The following OR6B1 variants were observed in gnomAD, a reference collection of about 807,000 sequenced individuals.
OR6B1 encodes the protein olfactory receptor family 6 subfamily B member 1, also known as olfactory receptor 6B1.
In OR6B1, 15 loss-of-function variants were observed where a neutral mutation model predicts 15.4. That is an observed-to-expected ratio of 0.97 (90% CI 0.65 to 1.50). The LOEUF is 1.50. OR6B1 is among the 40% of genes most tolerant of loss of function. The pLI is 0.00. For synonymous variants in OR6B1, 139 were observed against 144.9 expected (o/e 0.96, Z 0.29); for missense variants, 384 against 385.0 (o/e 1.00, Z 0.02).
At chr7:144,003,258 T>A (rs1400944454) in intron 1 of OR6B1, among the ~76,000 whole-genome samples, 1 of 152,200 alleles carries the variant, frequency 6.6e-6, no homozygotes, top group African/African-American at 2.4e-5. Flanking sequence ...TTATATAAAA[T>A]TTCATTTACA....
chr7:144,006,982 G>T lies in OR6B1; in HGVS notation c.*2050G>T, dbSNP rs1275263991. 6.6e-6 allele frequency: 1 copy of T among 152,196 alleles called. No homozygotes were observed. Among genetic ancestry groups the T allele is most frequent in the Non-Finnish European group, 1.5e-5 (1 of 68,032 alleles). 9.4% of individuals were successfully genotyped at this position (152,196 alleles called of 1,614,324 possible). On this transcript the variant is annotated 3_prime_UTR_variant, in exon 2 of 2. Coordinates refer to ENST00000641698, the MANE Select transcript of OR6B1 (RefSeq NM_001005281.3). ...AGATTAGGGTTTGCATGGGAAAACT[G>T]TTTGGGAAGGCTATGCTCTCTGGAC... is the stretch of plus-strand genomic sequence containing the variant.
In OR6B1 at chr7:144,005,131, G is replaced by C; in HGVS notation, c.*199G>C. The C allele has an allele frequency of 1.9e-6, 1 of 535,532 alleles. No individual in the cohort carries two copies. The highest frequency in any genetic ancestry group is 2.7e-5 in the South Asian group (1 of 36,646). 33.2% of individuals were successfully genotyped at this position (535,532 alleles called of 1,614,324 possible). A position where few individuals can be genotyped will look rare whatever the true frequency, so the allele number is the denominator to read the frequency against. On this transcript the variant is annotated 3_prime_UTR_variant, in exon 2 of 2. Transcript: ENST00000641698. ...AGGCCATACACCTTCTAGAGAGCTA[G>C]AGAAAACAGTTCTCAATGGTTGTGA...
chr7:144,002,597 A>C (rs1470060058), intron 1 of OR6B1, among the ~76,000 whole-genome samples: 2 of 152,214 alleles, frequency 1.3e-5, no homozygotes, highest in Non-Finnish European at 2.9e-5. Flanking sequence ...ACCTATTCTG[A>C]GTAGCCTCCA....
intron 1 of OR6B1, among the ~76,000 whole-genome samples, chr7:144,003,281 G>A (rs2050596107): frequency 6.6e-6 from 1 of 152,098 alleles, no homozygotes; most frequent in Non-Finnish European, 1.5e-5. Context: ...AACTCATTTG[G>A]ATTTTGATCC....
At position 144,004,353 on chromosome 7, in the gene OR6B1, C is replaced by G. The variant is rs770081905; in HGVS notation, c.357C>G (p.Ala119=). ...AATGTGTGCTTCTGGCCGCCATGGC[C>G]TATGACCGGTATGTGGCCATCTGTC... The part of the protein sequence containing the change: ...CTECVLLAAM[A]YDRYVAICRP... The change falls in exon 2 of 2, where the codon GCC becomes GCG. Residue 119 remains alanine, a synonymous_variant. Transcript: ENST00000641698. 6.2e-7 allele frequency: 1 copy of G among 1,614,206 alleles called. No individual in the cohort carries two copies. The highest frequency in any genetic ancestry group is 2.2e-5 in the East Asian group (1 of 44,886).
chr7:144,003,854 G>T, intron 1 of OR6B1, 118 bp from the exon 2 acceptor site: 1 of 626,646 alleles, frequency 1.6e-6, no homozygotes. Flanking sequence ...CACGTACCCA[G>T]TTCATGGTCT....
rs944197872 is a variant in OR6B1 at position 144,004,397 on chromosome 7, C to T, written c.401C>T (p.Thr134Ile). The T allele has an allele frequency of 6.2e-7, 1 of 1,614,208 alleles. No individual in the cohort carries two copies. The highest frequency in any genetic ancestry group is 1.3e-5 in the African/African-American group (1 of 75,052). Reference protein sequence around the residue: ...VAICRPLHYPTIMSHGLCFRL... With the variant: ...VAICRPLHYPIIMSHGLCFRL... Reference sequence around the variant, plus strand: ...ATCTGTCGCCCACTCCACTACCCAACCATAATGAGCCATGGGCTCTGCTTC... The same window carrying T: ...ATCTGTCGCCCACTCCACTACCCAATCATAATGAGCCATGGGCTCTGCTTC... Residue 134 changes from threonine (T) to isoleucine (I), a missense_variant, in exon 2 of 2, where the codon ACC (threonine) becomes ATC (isoleucine). Transcript: ENST00000641698.
chr7:144,007,000 C>A lies in OR6B1; in HGVS notation c.*2068C>A. On this transcript the variant is annotated 3_prime_UTR_variant, in exon 2 of 2. Transcript: ENST00000641698. ...GAAAACTGTTTGGGAAGGCTATGCT[C>A]TCTGGACCTGTCTAAAACAATTCCA... The A allele has an allele frequency of 6.6e-6, 1 of 152,304 alleles. No individual in the cohort carries two copies. Among genetic ancestry groups the A allele is most frequent in the Non-Finnish European group, 1.5e-5 (1 of 68,030 alleles). 9.4% of individuals were successfully genotyped at this position (152,304 alleles called of 1,614,324 possible).
At position 144,007,484 on chromosome 7, in the gene OR6B1, A is replaced by G. The variant is rs1235252177; in HGVS notation, c.*2552A>G. The stretch of plus-strand genomic sequence containing the variant: ...GATTTGATTATCACCATCCAAACTC[A>G]TAAGGAACCCCACAAAATAAAATAT... On this transcript the variant is annotated 3_prime_UTR_variant, in exon 2 of 2. Transcript: ENST00000641698. 3.9e-5 allele frequency: 6 copies of G among 152,154 alleles called. No homozygotes were observed. Among genetic ancestry groups the G allele is most frequent in the African/African-American group, 1.2e-4 (5 of 41,432 alleles). The allele number at this position is 152,154 out of a possible 1,614,324, so 9.4% of individuals were successfully genotyped here.
At position 144,004,491 on chromosome 7, in the gene OR6B1, C is replaced by T. The variant is rs368102937; in HGVS notation, c.495C>T (p.Cys165=). 6.2e-7 allele frequency: 1 copy of T among 1,614,066 alleles called. No homozygotes were observed. Among genetic ancestry groups the T allele is most frequent in the African/African-American group, 1.3e-5 (1 of 74,930 alleles). Reference sequence around the variant, plus strand: ...TGGCGAAGATCTACTTCATCTCCTGCCTCAGCTTCTGTGGTCCCAATGTCA... The same window carrying T: ...TGGCGAAGATCTACTTCATCTCCTGTCTCAGCTTCTGTGGTCCCAATGTCA... ...ISLAKIYFIS[C]LSFCGPNVIN... Residue 165 remains cysteine (C), a synonymous_variant, in exon 2 of 2, where the codon TGC becomes TGT. Coordinates refer to ENST00000641698, the MANE Select transcript of OR6B1 (RefSeq NM_001005281.3).
At chr7:144,002,146 T>C (rs964987943) in intron 1 of OR6B1, among the ~76,000 whole-genome samples, 8 of 152,374 alleles carry the variant, frequency 5.3e-5, no homozygotes, top group Middle Eastern at 3.4e-3. Context: ...CATGCCTTTG[T>C]AGTCGGACCT....
At position 144,004,294 on chromosome 7, in the gene OR6B1, C is replaced by T. The variant is rs2050604865; in HGVS notation, c.298C>T (p.Gln100Ter). 6.2e-7 allele frequency: 1 copy of T among 1,614,222 alleles called. No homozygotes were observed. Among genetic ancestry groups the T allele is most frequent in the Middle Eastern group, 1.6e-4 (1 of 6,062 alleles). Residue 100 changes from glutamine to a stop codon, truncating the protein, a stop_gained, in exon 2 of 2, where the codon CAA becomes TAA. Transcript: ENST00000641698. LOFTEE classifies it high-confidence loss of function. ...NSISFTLCMI[Q>*]LYFFIALMCT... ...CATCTCTTTCACACTCTGTATGATA[C>T]AACTGTACTTCTTCATTGCTCTCAT...
At chr7:144,002,435 C>T (rs980449937) in intron 1 of OR6B1, among the ~76,000 whole-genome samples, 1 of 152,202 alleles carries the variant, frequency 6.6e-6, no homozygotes, top group African/African-American at 2.4e-5. Context: ...GGCATCACCT[C>T]TAGGTAATAA....
Position 144,005,023 on chromosome 7 carries a change from G to A in OR6B1, c.*91G>A. 2.3e-6 allele frequency: 2 copies of A among 860,294 alleles called. No individual in the cohort carries two copies. Among genetic ancestry groups the A allele is most frequent in the South Asian group, 3.5e-5 (2 of 56,616 alleles). 53.3% of individuals were successfully genotyped at this position (860,294 alleles called of 1,614,324 possible). On this transcript the variant is annotated 3_prime_UTR_variant, in exon 2 of 2. Coordinates refer to ENST00000641698, the MANE Select transcript of OR6B1 (RefSeq NM_001005281.3). The stretch of plus-strand genomic sequence containing the variant: ...CCTTTAACGACTCAGTTAGGACACT[G>A]CCCATGTTAATATGACATCACCATG...
At position 144,004,606 on chromosome 7, in the gene OR6B1, C is replaced by T. The variant is rs367697417; in HGVS notation, c.610C>T (p.Leu204=). The change falls in exon 2 of 2, where the codon CTG becomes TTG. Residue 204 remains leucine, a synonymous_variant. Coordinates refer to ENST00000641698, the MANE Select transcript of OR6B1 (RefSeq NM_001005281.3). ...ITELVDFILA[L]VIFLFPLFIT... Reference sequence around the variant, plus strand: ...TGAGTTGGTAGACTTTATCCTGGCACTGGTCATCTTCCTATTCCCACTCTT... The same window carrying T: ...TGAGTTGGTAGACTTTATCCTGGCATTGGTCATCTTCCTATTCCCACTCTT... 262 of 1,614,102 alleles carry T rather than the reference C, an allele frequency of 1.6e-4. No individual in the cohort carries two copies. The highest frequency in any genetic ancestry group is 2.1e-4 in the Non-Finnish European group (253 of 1,180,038).
rs2050579471 is a variant in OR6B1 at position 144,000,571 on chromosome 7, T to C, written c.-105T>C. 1.3e-5 allele frequency: 2 copies of C among 152,656 alleles called. No homozygotes were observed. The highest frequency in any genetic ancestry group is 1.3e-4 in the Admixed American group (2 of 15,290). The allele number at this position is 152,656 out of a possible 1,614,324, so 9.5% of individuals were successfully genotyped here. ...CACATCTATTCAATACCTGAATCTT[T>C]TTCTTCTGCATCTTCCTATTTTAGA... is the stretch of plus-strand genomic sequence containing the variant. On this transcript the variant is annotated 5_prime_UTR_variant, in exon 1 of 2. Coordinates refer to ENST00000641698, the MANE Select transcript of OR6B1 (RefSeq NM_001005281.3).
At chr7:144,002,584 G>A (rs2050591712) in intron 1 of OR6B1, among the ~76,000 whole-genome samples, 1 of 152,200 alleles carries the variant, frequency 6.6e-6, no homozygotes, top group Admixed American at 6.5e-5. Context: ...TAAGTTCACT[G>A]TCACCTATTC....
rs1172906593 is a variant in OR6B1, at chr7:144,005,686, GAT to G, written c.*757_*758del. On this transcript the variant is annotated 3_prime_UTR_variant, in exon 2 of 2. Transcript: ENST00000641698. ...ATTACTTCTCTTTTCTTTTGATCTT[GAT>G]ATCCTCTTGTTCCCGCCCCGCACCC... The G allele has an allele frequency of 5.9e-5, 9 of 151,992 alleles. No individual in the cohort carries two copies. The highest frequency in any genetic ancestry group is 3.4e-3 in the Middle Eastern group (1 of 292). 9.4% of individuals were successfully genotyped at this position (151,992 alleles called of 1,614,324 possible). A position where few individuals can be genotyped will look rare whatever the true frequency, so the allele number is the denominator to read the frequency against.
rs888198189 is a variant in OR6B1 at position 144,005,099 on chromosome 7, T to C, written c.*167T>C. 2.7e-5 allele frequency: 16 copies of C among 601,970 alleles called. No homozygotes were observed. The highest frequency in any genetic ancestry group is 1.2e-4 in the Admixed American group (4 of 33,132). 37.3% of individuals were successfully genotyped at this position (601,970 alleles called of 1,614,324 possible). ...TATCTGCATCTGTGCATATGGTCAG[T>C]GCTCTAAGGCCATACACCTTCTAGA... On this transcript the variant is annotated 3_prime_UTR_variant, in exon 2 of 2. Coordinates refer to ENST00000641698, the MANE Select transcript of OR6B1 (RefSeq NM_001005281.3).
Sources: gnomAD v4.1 joint callset for allele counts (sites outside exome capture counted in the v4.1 genomes callset) on GRCh38, gnomAD v4.1.1 for gene constraint, MANE v1.5 for transcripts, NCBI Gene and HGNC (gene_info 2026-07-23, HGNC 2026-07-21) for gene names.